The following UBE2E2 variants were observed in gnomAD, a reference collection of about 807,000 sequenced individuals.
UBE2E2 encodes ubiquitin-conjugating enzyme E2 E2.
In UBE2E2, 6 loss-of-function variants were observed where a neutral mutation model predicts 24.7. The ratio of observed to expected loss-of-function variants is 0.24; its 90% CI spans 0.13 to 0.48. UBE2E2 has a LOEUF of 0.48. UBE2E2 is among the 20% of genes least tolerant of loss of function. The pLI is 0.99. For missense variants in UBE2E2, 169 were observed against 245.0 expected (o/e 0.69, Z 2.07); for synonymous variants, 104 against 83.6 (o/e 1.24, Z -1.33).
chr3:23,534,829 T>G (rs1396705032), intron 5 of UBE2E2, among the ~76,000 whole-genome samples: 1 of 152,170 alleles, frequency 6.6e-6, no homozygotes, highest in East Asian at 1.9e-4. Context: ...ATAAATAAGA[T>G]TTTCCTACAC....
intron 5 of UBE2E2, among the ~76,000 whole-genome samples, chr3:23,545,775 A>G (rs186766030): frequency 1.3e-5 from 2 of 152,332 alleles, no homozygotes; most frequent in South Asian, 2.1e-4. Context: ...GTGCCCGTCA[A>G]CCGATGAGTG....
chr3:23,569,433 A>G (rs549679794), intron 5 of UBE2E2, among the ~76,000 whole-genome samples: 1 of 152,318 alleles, frequency 6.6e-6, no homozygotes, highest in African/African-American at 2.4e-5. Context: ...TGAATATACT[A>G]AAAACCATTA....
chr3:23,464,863 CTAAG>C (rs1698887982), intron 3 of UBE2E2, among the ~76,000 whole-genome samples: 1 of 152,128 alleles, frequency 6.6e-6, no homozygotes, highest in South Asian at 2.1e-4. Context: ...TCTTTAATTA[CTAAG>C]TGTTTTTCAA....
chr3:23,569,637 A>G (rs1696177218), intron 5 of UBE2E2, among the ~76,000 whole-genome samples: 1 of 152,182 alleles, frequency 6.6e-6, no homozygotes, highest in South Asian at 2.1e-4. Context: ...CCTCTACTGT[A>G]AGGATATTTT....
chr3:23,351,254 A>G (rs1011346205), intron 3 of UBE2E2, among the ~76,000 whole-genome samples: 2 of 152,240 alleles, frequency 1.3e-5, no homozygotes, highest in Non-Finnish European at 2.9e-5. Flanking sequence ...CATGGAAAGG[A>G]ACAACCGGTA....
At chr3:23,209,276 A>C (rs1441845477) in intron 2 of UBE2E2, among the ~76,000 whole-genome samples, 1 of 152,124 alleles carries the variant, frequency 6.6e-6, no homozygotes, top group Non-Finnish European at 1.5e-5. Flanking sequence ...ATTTTCCACT[A>C]CTCCCAGTTG....
intron 3 of UBE2E2, among the ~76,000 whole-genome samples, chr3:23,401,259 C>T (rs1328620109): frequency 6.6e-6 from 1 of 152,152 alleles, no homozygotes; most frequent in African/African-American, 2.4e-5. Context: ...GAGAAATGAG[C>T]AGGAGTTAGA....
At chr3:23,469,410 A>G (rs963919871) in intron 3 of UBE2E2, among the ~76,000 whole-genome samples, 1 of 152,186 alleles carries the variant, frequency 6.6e-6, no homozygotes, top group Non-Finnish European at 1.5e-5. Context: ...GTTGTAACAA[A>G]TAGAGAAAAA....
At chr3:23,469,787 A>G (rs915415999) in intron 3 of UBE2E2, among the ~76,000 whole-genome samples, 1 of 152,224 alleles carries the variant, frequency 6.6e-6, no homozygotes, top group South Asian at 2.1e-4. Context: ...GAAGAGAAGA[A>G]TGTAATCTAT....
chr3:23,531,137 A>G (rs1462112941), intron 4 of UBE2E2, among the ~76,000 whole-genome samples: 6 of 152,188 alleles, frequency 3.9e-5, no homozygotes, highest in Admixed American at 6.5e-5. Flanking sequence ...CGACAACCAC[A>G]TAAGTCTCTA....
chr3:23,412,484 T>G (rs1452283766), intron 3 of UBE2E2, among the ~76,000 whole-genome samples: 2 of 152,184 alleles, frequency 1.3e-5, no homozygotes, highest in Admixed American at 1.3e-4. Context: ...ATTGAGCCAC[T>G]CTTTGTGAAG....
intron 3 of UBE2E2, among the ~76,000 whole-genome samples, chr3:23,369,267 TG>T (rs2125338671): frequency 1.3e-5 from 2 of 152,314 alleles, no homozygotes; most frequent in East Asian, 3.9e-4. Flanking sequence ...CCAGGAATAA[TG>T]GCATTCTTGA....
chr3:23,419,093 A>G (rs533265473), intron 3 of UBE2E2, among the ~76,000 whole-genome samples: 146 of 152,056 alleles, frequency 9.6e-4, no homozygotes, highest in African/African-American at 3.3e-3. Flanking sequence ...AGCTAAGACT[A>G]TAGGTGTGTA....
At position 23,348,347 on chromosome 3, in the gene UBE2E2, C is replaced by CAAAAAAAAAAAAA. The variant is rs35038477; in HGVS notation, c.227+131040_227+131052dup. On this transcript the variant is annotated intron_variant, in intron 3 of 5. Coordinates refer to ENST00000396703, the MANE Select transcript of UBE2E2 (RefSeq NM_152653.4). ...GAATAAAATGAGCCTGTGCTGCTTT[C>CAAAAAAAAAAAAA]AAAAAAAAAAAAAAAAAGAATAGTC... Among the ~76,000 whole-genome samples, 78 of 121,960 alleles carry CAAAAAAAAAAAAA rather than the reference C, an allele frequency of 6.4e-4. 1 individual carries two copies. The highest frequency in any genetic ancestry group is 3.5e-3 in the East Asian group (14 of 3,968). 80.0% of individuals were successfully genotyped at this position (121,960 alleles called of 152,430 possible).
At chr3:23,472,011 G>A (rs761620650) in intron 3 of UBE2E2, among the ~76,000 whole-genome samples, 29 of 149,936 alleles carry the variant, frequency 1.9e-4, no homozygotes, top group South Asian at 6.3e-4. Flanking sequence ...GCAAAATAAC[G>A]TTCCTACAAT....
At chr3:23,203,209 C>G (rs1687986501), upstream of UBE2E2, 1 of 986,944 alleles carries the variant, frequency 1.0e-6, no homozygotes, top group South Asian at 4.5e-5. Flanking sequence ...CGGGCAGCAG[C>G]CTCAGGAGCC....
intron 4 of UBE2E2, among the ~76,000 whole-genome samples, chr3:23,501,467 G>C (rs752348494): frequency 2.0e-5 from 3 of 152,172 alleles, no homozygotes; most frequent in Non-Finnish European, 2.9e-5. Flanking sequence ...ACATAGATGA[G>C]ACTTAGAGAG....
At chr3:23,551,146 A>G (rs1469511504) in intron 5 of UBE2E2, among the ~76,000 whole-genome samples, 1 of 152,234 alleles carries the variant, frequency 6.6e-6, no homozygotes, top group Non-Finnish European at 1.5e-5. Context: ...TCCAACACTC[A>G]ACAACATAAA....
chr3:23,373,416 C>T (rs1283277176), intron 3 of UBE2E2, among the ~76,000 whole-genome samples: 1 of 152,200 alleles, frequency 6.6e-6, no homozygotes, highest in Non-Finnish European at 1.5e-5. Flanking sequence ...CTCCAGCACA[C>T]TCCTCTCCTG....
Sources: allele counts gnomAD v4.1 joint callset (sites outside exome capture counted in the v4.1 genomes callset), GRCh38; gene constraint gnomAD v4.1.1; transcripts MANE v1.5; gene names NCBI Gene and HGNC (gene_info 2026-07-23, HGNC 2026-07-21).